Variants in RBFOX1 observed in about 807,000 individuals in gnomAD.
RBFOX1 encodes the protein RNA binding protein fox-1 homolog 1.
RBFOX1 carries 8 observed loss-of-function variants against 57.7 expected under a neutral mutation model. The ratio of observed to expected loss-of-function variants is 0.14; its 90% CI spans 0.08 to 0.25. The LOEUF (loss-of-function observed/expected upper bound fraction) is 0.25. RBFOX1 is among the 10% of genes least tolerant of loss of function. The pLI is 1.00. For missense variants in RBFOX1, 611 were observed against 548.5 expected (o/e 1.11, Z -1.14); for synonymous variants, 326 against 222.4 (o/e 1.47, Z -4.15).
intron 2 of RBFOX1, among the ~76,000 whole-genome samples, chr16:6,511,072 T>C (rs1436988991): frequency 6.6e-6 from 1 of 152,102 alleles, no homozygotes; most frequent in African/African-American, 2.4e-5. Flanking sequence ...TCCAGGACCA[T>C]TGAGGTAGCG....
chr16:6,667,922 C>T (rs1393848143), intron 3 of RBFOX1, among the ~76,000 whole-genome samples: 1 of 152,028 alleles, frequency 6.6e-6, no homozygotes, highest in Non-Finnish European at 1.5e-5. Flanking sequence ...TAAGTACAAG[C>T]TGCCTGATTA....
intron 12 of RBFOX1, among the ~76,000 whole-genome samples, chr16:7,664,137 C>T (rs2068544994): frequency 2.0e-5 from 3 of 152,192 alleles, no homozygotes; most frequent in Admixed American, 1.3e-4. Flanking sequence ...CATATAAGTA[C>T]ACAAATACAT....
At chr16:5,295,529 C>G (rs1430715728) in intron 1 of RBFOX1, among the ~76,000 whole-genome samples, 1 of 152,148 alleles carries the variant, frequency 6.6e-6, no homozygotes, top group African/African-American at 2.4e-5. Flanking sequence ...GATCTGCTTC[C>G]AGGCTCATCT....
At chr16:7,571,542 T>A (rs1170152355) in intron 5 of RBFOX1, among the ~76,000 whole-genome samples, 1 of 152,176 alleles carries the variant, frequency 6.6e-6, no homozygotes, top group African/African-American at 2.4e-5. Flanking sequence ...CTTCAGGAGA[T>A]TAAAGTGCCA....
At chr16:7,001,396 ATT>A (rs879568863) in intron 3 of RBFOX1, among the ~76,000 whole-genome samples, 17,058 of 136,600 alleles carry the variant, frequency 0.12, 2,092 homozygotes, top group African/African-American at 0.38. Context: ...GTGTATGTGT[ATT>A]TGTATATGTA....
At chr16:5,368,408 C>T (rs1264752787) in intron 1 of RBFOX1, among the ~76,000 whole-genome samples, 1 of 152,170 alleles carries the variant, frequency 6.6e-6, no homozygotes, top group African/African-American at 2.4e-5. Context: ...GGGTTTTCAT[C>T]TCCCACCCTC....
At chr16:6,454,970 C>T (rs2094730396) in intron 2 of RBFOX1, among the ~76,000 whole-genome samples, 1 of 150,018 alleles carries the variant, frequency 6.7e-6, no homozygotes, top group Non-Finnish European at 1.5e-5. Context: ...GCAACCTCTG[C>T]CTCCCAGGTT....
chr16:5,240,424 G>C (rs2062135684), intron 1 of RBFOX1, among the ~76,000 whole-genome samples: 1 of 152,136 alleles, frequency 6.6e-6, no homozygotes, highest in African/African-American at 2.4e-5. Context: ...CGGGGGTTGC[G>C]CTGGGCATCC....
chr16:7,152,598 T>C (rs537328938), intron 4 of RBFOX1, among the ~76,000 whole-genome samples: 4 of 152,150 alleles, frequency 2.6e-5, no homozygotes, highest in Non-Finnish European at 4.4e-5. Flanking sequence ...TCATTGATAG[T>C]GGCTTCTCTG....
At chr16:6,595,182 A>C (rs1454062293) in intron 2 of RBFOX1, among the ~76,000 whole-genome samples, 1 of 152,130 alleles carries the variant, frequency 6.6e-6, no homozygotes, top group African/African-American at 2.4e-5. Flanking sequence ...CCAGAAAGAC[A>C]CGTTGTCCCC....
At chr16:5,288,801 A>T (rs529734008) in intron 1 of RBFOX1, among the ~76,000 whole-genome samples, 2 of 152,192 alleles carry the variant, frequency 1.3e-5, no homozygotes, top group East Asian at 3.9e-4. Flanking sequence ...TCACAGCGGC[A>T]TGATCTCCTG....
At chr16:5,405,848 T>A (rs957391717) in intron 1 of RBFOX1, among the ~76,000 whole-genome samples, 13 of 152,240 alleles carry the variant, frequency 8.5e-5, no homozygotes, top group Admixed American at 2.6e-4. Context: ...TTTCTATTTT[T>A]GAGTGTAGTT....
intron 1 of RBFOX1, among the ~76,000 whole-genome samples, chr16:5,254,498 C>T (rs1414003812): frequency 1.3e-5 from 2 of 152,136 alleles, no homozygotes; most frequent in African/African-American, 2.4e-5. Flanking sequence ...AAAAAGGAGT[C>T]TGTATCATAT....
intron 1 of RBFOX1, among the ~76,000 whole-genome samples, chr16:5,422,908 AAG>A (rs1287021374): frequency 9.0e-6 from 1 of 110,808 alleles, no homozygotes; most frequent in African/African-American, 3.5e-5. Context: ...GAGGGGAGGA[AAG>A]AGGAGGAGGG....
At chr16:7,365,121 T>C (rs527607737) in intron 4 of RBFOX1, among the ~76,000 whole-genome samples, 53 of 152,304 alleles carry the variant, frequency 3.5e-4, no homozygotes, top group Admixed American at 2.6e-3. Flanking sequence ...ACAAACCATA[T>C]ACAACCTCAT....
At chr16:7,252,889 G>A (rs2094545284) in intron 4 of RBFOX1, among the ~76,000 whole-genome samples, 1 of 151,918 alleles carries the variant, frequency 6.6e-6, no homozygotes, top group African/African-American at 2.4e-5. Flanking sequence ...CCCATATTTG[G>A]CAGAGCCGTT....
intron 11 of RBFOX1, among the ~76,000 whole-genome samples, chr16:7,642,441 C>G (rs1405058921): frequency 1.3e-5 from 2 of 152,162 alleles, no homozygotes; most frequent in African/African-American, 2.4e-5. Flanking sequence ...GCGTACCCAT[C>G]TTGTGAGCCA....
intron 3 of RBFOX1, among the ~76,000 whole-genome samples, chr16:6,835,365 C>T (rs2093016391): frequency 1.3e-5 from 2 of 152,238 alleles, no homozygotes; most frequent in South Asian, 4.1e-4. Flanking sequence ...TCTGCATAAT[C>T]AGGACAGGAA....
intron 2 of RBFOX1, among the ~76,000 whole-genome samples, chr16:5,574,902 A>C (rs2151141252): frequency 6.6e-6 from 1 of 152,324 alleles, no homozygotes; most frequent in East Asian, 1.9e-4. Flanking sequence ...GTGGCCGCCC[A>C]GACACTGTGC....
Sources: allele counts gnomAD v4.1 joint callset (sites outside exome capture counted in the v4.1 genomes callset), GRCh38; gene constraint gnomAD v4.1.1; transcripts MANE v1.5; gene names NCBI Gene and HGNC (gene_info 2026-07-23, HGNC 2026-07-21).